Variants in MBD5 observed in about 807,000 individuals in gnomAD.
The protein encoded by MBD5 is methyl-CpG binding domain protein 5, also known as methyl-CpG-binding domain protein 5.
A neutral mutation model predicts 117.3 loss-of-function variants in MBD5; 13 were observed. That is an observed-to-expected ratio of 0.11 (90% CI 0.07 to 0.18). MBD5 has a LOEUF of 0.18. Among genes scored for constraint, MBD5 ranks in the 10% least tolerant of loss-of-function variants. The pLI, the probability that MBD5 is intolerant of heterozygous loss-of-function variation, is 1.00. For missense variants in MBD5, 1,879 were observed against 2,093.8 expected, an observed-to-expected ratio of 0.90 and a Z score of 2.00; for synonymous variants, 727 against 766.4, an observed-to-expected ratio of 0.95 and a Z score of 0.85.
chr2:148,172,698 T>TA (rs1698290332), intron 1 of MBD5, among the ~76,000 whole-genome samples: 1 of 152,022 alleles, frequency 6.6e-6, no homozygotes, highest in African/African-American at 2.4e-5. Flanking sequence ...AGTGAAAACT[T>TA]ATGATGCTTT....
At position 148,514,360 on chromosome 2, in the gene MBD5, T is replaced by G. The variant is rs1031175938; in HGVS notation, c.*1419T>G. On this transcript the variant is annotated 3_prime_UTR_variant, in exon 14 of 14. Coordinates refer to ENST00000642680, the MANE Select transcript of MBD5 (RefSeq NM_001378120.1). Reference sequence around the variant, plus strand: ...ATGTAGCACAACATAATTTTCCGTCTTCTTCTCACAATTTTTGTGGTGGTG... The same window carrying G: ...ATGTAGCACAACATAATTTTCCGTCGTCTTCTCACAATTTTTGTGGTGGTG... The G allele has an allele frequency of 2.6e-5, 4 of 152,348 alleles. No homozygotes were observed. The highest frequency in any genetic ancestry group is 4.1e-4 in the South Asian group (2 of 4,822). 9.4% of individuals were successfully genotyped at this position (152,348 alleles called of 1,614,324 possible).
At chr2:148,055,537 A>C (rs1694834857) in intron 1 of MBD5, 2 of 151,664 alleles carry the variant, frequency 1.3e-5, no homozygotes, top group African/African-American at 4.9e-5. Flanking sequence ...GGTTCAAGCG[A>C]TTCTCCTGCC....
intron 4 of MBD5, among the ~76,000 whole-genome samples, chr2:148,457,569 C>T (rs1706924162): frequency 1.3e-5 from 2 of 151,856 alleles, no homozygotes; most frequent in South Asian, 2.1e-4. Flanking sequence ...AATAGCACCT[C>T]ATAACTGAAT....
At chr2:148,063,406 C>G (rs1164019879) in intron 1 of MBD5, among the ~76,000 whole-genome samples, 1 of 152,106 alleles carries the variant, frequency 6.6e-6, no homozygotes, top group Non-Finnish European at 1.5e-5. Flanking sequence ...TTGTGTTACT[C>G]TAATGCAAGT....
At chr2:148,092,775 C>G (rs1695974753) in intron 1 of MBD5, among the ~76,000 whole-genome samples, 2 of 150,070 alleles carry the variant, frequency 1.3e-5, no homozygotes, top group African/African-American at 4.9e-5. Flanking sequence ...CTTTTCTATG[C>G]AACCAAACAC....
At chr2:148,082,503 C>G (rs1695669668) in intron 1 of MBD5, among the ~76,000 whole-genome samples, 1 of 152,190 alleles carries the variant, frequency 6.6e-6, no homozygotes, top group African/African-American at 2.4e-5. Context: ...TATTTCTTCT[C>G]TGATTGGCAT....
intron 12 of MBD5, among the ~76,000 whole-genome samples, chr2:148,508,926 A>G (rs375876523): frequency 2.0e-5 from 3 of 152,318 alleles, no homozygotes; most frequent in African/African-American, 4.8e-5. Context: ...CAATGTATGC[A>G]TTGTCCAGTC....
At chr2:148,361,619 A>G (rs1703535139) in intron 4 of MBD5, among the ~76,000 whole-genome samples, 1 of 152,212 alleles carries the variant, frequency 6.6e-6, no homozygotes, top group South Asian at 2.1e-4. Context: ...CTATATAGTC[A>G]GAGAAATAGG....
At chr2:148,315,944 C>T (rs950430710) in intron 3 of MBD5, among the ~76,000 whole-genome samples, 3 of 152,178 alleles carry the variant, frequency 2.0e-5, no homozygotes, top group African/African-American at 7.2e-5. Context: ...GATTGACTCA[C>T]AGTTCCATAG....
At chr2:148,502,741 TTCTTCATTCCCTGCA>T (rs1360586517) in intron 12 of MBD5, among the ~76,000 whole-genome samples, 1 of 152,240 alleles carries the variant, frequency 6.6e-6, no homozygotes. Flanking sequence ...CATCTGTTCT[TTCTTCATTCCCTGCA>T]TCTTCATTCC....
At chr2:148,123,216 CTT>C (rs894440883) in intron 1 of MBD5, among the ~76,000 whole-genome samples, 4 of 152,094 alleles carry the variant, frequency 2.6e-5, no homozygotes, top group East Asian at 1.9e-4. Context: ...TTATGGGAAA[CTT>C]TTCAAATTTT....
intron 11 of MBD5, 128 bp downstream of exon 11, chr2:148,490,722 C>A: frequency 8.5e-7 from 1 of 1,174,148 alleles, no homozygotes. Context: ...TGAGGTCTCA[C>A]AAGCTTCTGG....
At chr2:148,180,004 T>C (rs1184668004) in intron 2 of MBD5, among the ~76,000 whole-genome samples, 1 of 152,150 alleles carries the variant, frequency 6.6e-6, no homozygotes, top group Non-Finnish European at 1.5e-5. Context: ...TAAAACAGTT[T>C]ACAGCCCCTA....
intron 1 of MBD5, among the ~76,000 whole-genome samples, chr2:148,124,612 G>A (rs1275755804): frequency 6.6e-6 from 1 of 152,108 alleles, no homozygotes; most frequent in Non-Finnish European, 1.5e-5. Context: ...GGTTTTAAAA[G>A]ATAGAAAGTG....
At chr2:148,402,409 A>G (rs983370568) in intron 4 of MBD5, among the ~76,000 whole-genome samples, 1 of 152,148 alleles carries the variant, frequency 6.6e-6, no homozygotes, top group Non-Finnish European at 1.5e-5. Flanking sequence ...AAAACAGCAC[A>G]TATTTAAAGA....
intron 2 of MBD5, among the ~76,000 whole-genome samples, chr2:148,224,983 A>G (rs989233210): frequency 1.2e-4 from 18 of 152,110 alleles, no homozygotes; most frequent in African/African-American, 3.9e-4. Flanking sequence ...CTCATAGGCA[A>G]CAGATCACAG....
At chr2:148,197,819 T>TG (rs1333197060) in intron 2 of MBD5, among the ~76,000 whole-genome samples, 1 of 44,742 alleles carries the variant, frequency 2.2e-5, no homozygotes, top group African/African-American at 6.9e-5. Context: ...TTTTTTTTTG[T>TG]TTTTTTTTTT....
rs191979027 is a variant in MBD5 at position 148,035,929 on chromosome 2, T to C, written c.-925+14245T>C. Reference sequence around the variant, plus strand: ...AGTGACACAAAAGTATTAACTGTTATAGTGATTATATGTGTTGTCTTTATA... The same window carrying C: ...AGTGACACAAAAGTATTAACTGTTACAGTGATTATATGTGTTGTCTTTATA... On this transcript the variant is annotated intron_variant, in intron 1 of 13. Transcript: ENST00000642680. Among the ~76,000 whole-genome samples, 487 of 152,334 alleles carry C rather than the reference T, an allele frequency of 3.2e-3. 4 individuals are homozygous for C. Among genetic ancestry groups the C allele is most frequent in the African/African-American group, 0.011 (453 of 41,580 alleles).
At chr2:148,188,539 A>G (rs1029506435) in intron 2 of MBD5, among the ~76,000 whole-genome samples, 6 of 152,068 alleles carry the variant, frequency 3.9e-5, no homozygotes, top group African/African-American at 1.2e-4. Context: ...TTAAAAAATT[A>G]GCCAGGCATA....
Sources: allele counts gnomAD v4.1 joint callset (sites outside exome capture counted in the v4.1 genomes callset), GRCh38; gene constraint gnomAD v4.1.1; transcripts MANE v1.5; gene names NCBI Gene and HGNC (gene_info 2026-07-23, HGNC 2026-07-21).